UGT1A1: variants seen among roughly 807,000 people sequenced by gnomAD.
The protein encoded by UGT1A1 is UDP-glucuronosyltransferase 1A1.
UGT1A1 carries 33 observed loss-of-function variants against 40.6 expected under a neutral mutation model. The ratio of observed to expected loss-of-function variants is 0.81; its 90% CI spans 0.62 to 1.09. UGT1A1 has a LOEUF of 1.09. Ranked by LOEUF, UGT1A1 falls within the 50% of genes least tolerant of loss-of-function variation. The pLI, the probability that UGT1A1 is intolerant of heterozygous loss-of-function variation, is 0.00. For synonymous variants in UGT1A1, 249 were observed against 265.0 expected (o/e 0.94, Z 0.59); for missense variants, 694 against 671.2 (o/e 1.03, Z -0.38).
chr2:233,765,029 G>A (rs1326471824), intron 1 of UGT1A1, among the ~76,000 whole-genome samples: 1 of 152,048 alleles, frequency 6.6e-6, no homozygotes, highest in Non-Finnish European at 1.5e-5. Flanking sequence ...CAGGAGTCCT[G>A]CTGTGCAAAT....
chr2:233,767,748 T>A (rs2126034446), intron 2 of UGT1A1, 101 bp from the exon 3 acceptor site: 2 of 1,587,100 alleles, frequency 1.3e-6, no homozygotes, highest in East Asian at 4.5e-5. Context: ...TGTTAAAGAC[T>A]GTTCCTTCAG....
At chr2:233,772,010 G>A (rs538941446) in intron 4 of UGT1A1, among the ~76,000 whole-genome samples, 1 of 152,306 alleles carries the variant, frequency 6.6e-6, no homozygotes, top group Admixed American at 6.5e-5. Flanking sequence ...CTACTCTGGA[G>A]GCTGAGGCAG....
At chr2:233,762,034 A>G (rs750851212) in intron 1 of UGT1A1, among the ~76,000 whole-genome samples, 3 of 151,806 alleles carry the variant, frequency 2.0e-5, no homozygotes, top group Non-Finnish European at 2.9e-5. Context: ...ATTTTTTTTA[A>G]TTTTCTGTGC....
At chr2:233,764,430 T>C (rs1698558125) in intron 1 of UGT1A1, among the ~76,000 whole-genome samples, 1 of 152,218 alleles carries the variant, frequency 6.6e-6, no homozygotes, top group African/African-American at 2.4e-5. Flanking sequence ...AATCTCCAGA[T>C]GAACTTTTGT....
chr2:233,764,999 A>G (rs984767809), intron 1 of UGT1A1, among the ~76,000 whole-genome samples: 8 of 151,978 alleles, frequency 5.3e-5, no homozygotes, highest in Admixed American at 1.3e-4. Flanking sequence ...TTTCCTGGTC[A>G]TGTTCCAAAT....
Position 233,768,449 on chromosome 2 carries a change from A to T in UGT1A1, c.1304+10A>T, listed in dbSNP as rs757647919. 6.2e-7 allele frequency: 1 copy of T among 1,611,702 alleles called. No individual in the cohort carries two copies. The highest frequency in any genetic ancestry group is 8.5e-7 in the Non-Finnish European group (1 of 1,178,666). On this transcript the variant is annotated intron_variant, in intron 4 of 4. Coordinates refer to ENST00000305208, the MANE Select transcript of UGT1A1 (RefSeq NM_000463.3). ...TCATCAATGACAAAAGGTAAGAAAG[A>T]AGATACAGAAGAATACTTTGGTCAT...
At chr2:233,761,914 T>C (rs28900396) in intron 1 of UGT1A1, among the ~76,000 whole-genome samples, 9,111 of 152,302 alleles carry the variant, frequency 0.06, 854 homozygotes, top group African/African-American at 0.21. Flanking sequence ...GAGGATCTAC[T>C]GGCAGCCCAG....
intron 1 of UGT1A1, among the ~76,000 whole-genome samples, chr2:233,764,949 G>A (rs1698700873): frequency 6.6e-6 from 1 of 152,108 alleles, no homozygotes. Context: ...GGCGGGGAGA[G>A]AGGGCTCACC....
chr2:233,768,262 A>G lies in UGT1A1; in HGVS notation c.1127A>G (p.His376Arg), dbSNP rs1349037761. The change falls in exon 4 of 5, where the codon CAT becomes CGT. Residue 376 changes from histidine to arginine, a missense_variant. Physicochemically the swap from His to Arg is conservative, Grantham distance 29. Coordinates refer to ENST00000305208, the MANE Select transcript of UGT1A1 (RefSeq NM_000463.3). ...GCCTTTATCACCCATGCTGGTTCCC[A>G]TGGTGTTTATGAAAGCATATGCAAT... Reference protein sequence around the residue: ...TRAFITHAGSHGVYESICNGV... With the variant: ...TRAFITHAGSRGVYESICNGV... 1 of 1,614,138 alleles carries G rather than the reference A, an allele frequency of 6.2e-7. No individual in the cohort carries two copies. Among genetic ancestry groups the G allele is most frequent in the Non-Finnish European group, 8.5e-7 (1 of 1,180,018 alleles).
At position 233,760,380 on chromosome 2, in the gene UGT1A1, G is replaced by C. The variant is rs768058050; in HGVS notation, c.93G>C (p.Leu31=). 4.3e-6 allele frequency: 7 copies of C among 1,614,074 alleles called. No individual in the cohort carries two copies. The East Asian group carries it at 1.6e-4, about 36-fold the overall frequency. ...TGGTGTCCCATGCTGGGAAGATACT[G>C]TTGATCCCAGTGGATGGCAGCCACT... The part of the protein sequence containing the change: ...GPVVSHAGKI[L]LIPVDGSHWL... The change falls in exon 1 of 5, where the codon CTG becomes CTC. Residue 31 remains leucine (L), a synonymous_variant. Transcript: ENST00000305208.
In UGT1A1 at chr2:233,761,077, T is replaced by A; in HGVS notation, c.790T>A (p.Tyr264Asn). ...GTTTAGAAGTGACTTTGTGAAGGATTACCCTAGGCCCATCATGCCCAATAT... is the reference window on the plus strand; with the variant it reads ...GTTTAGAAGTGACTTTGTGAAGGATAACCCTAGGCCCATCATGCCCAATAT... ...WLFRSDFVKD[Y>N]PRPIMPNMVF... Residue 264 changes from tyrosine to asparagine, a missense_variant, in exon 1 of 5, where the codon TAC becomes AAC. Transcript: ENST00000305208. 1 of 1,614,202 alleles carries A rather than the reference T, an allele frequency of 6.2e-7. No homozygotes were observed. Among genetic ancestry groups the A allele is most frequent in the Non-Finnish European group, 8.5e-7 (1 of 1,180,026 alleles).
At position 233,760,772 on chromosome 2, in the gene UGT1A1, A is replaced by C; in HGVS notation, c.485A>C (p.Gln162Pro). Reference sequence around the variant, plus strand: ...CTTCCTTGCAGCCCCATCGTGGCCCAGTACCTGTCTCTGCCCACTGTATTC... The same window carrying C: ...CTTCCTTGCAGCCCCATCGTGGCCCCGTACCTGTCTCTGCCCACTGTATTC... Reference protein sequence around the residue: ...PFLPCSPIVAQYLSLPTVFFL... With the variant: ...PFLPCSPIVAPYLSLPTVFFL... Residue 162 changes from glutamine (Q) to proline (P), a missense_variant, in exon 1 of 5, where the codon CAG becomes CCG. Gln to Pro is a moderately conservative substitution (Grantham distance 76). Coordinates refer to ENST00000305208, the MANE Select transcript of UGT1A1 (RefSeq NM_000463.3). 1 of 1,613,930 alleles carries C rather than the reference A, an allele frequency of 6.2e-7. No individual in the cohort carries two copies. The highest frequency in any genetic ancestry group is 8.5e-7 in the Non-Finnish European group (1 of 1,179,866).
rs1699539864 is a variant in UGT1A1, at chr2:233,767,990, G to A, written c.1084+54G>A. ...CAAACCAGGGTCAAATTAAGAAAATGGCTTAAGCACAGCTATTCTAAAGGA... is the reference window on the plus strand; with the variant it reads ...CAAACCAGGGTCAAATTAAGAAAATAGCTTAAGCACAGCTATTCTAAAGGA... On this transcript the variant is annotated intron_variant, in intron 3 of 4. Coordinates refer to ENST00000305208, the MANE Select transcript of UGT1A1 (RefSeq NM_000463.3). 1.9e-5 allele frequency: 30 copies of A among 1,613,976 alleles called. No individual in the cohort carries two copies. In the South Asian group the frequency reaches 3.2e-4, roughly 17 times the overall value.
At position 233,772,444 on chromosome 2, in the gene UGT1A1, T is replaced by C; in HGVS notation, c.1487T>C (p.Leu496Ser). 6.2e-7 allele frequency: 1 copy of C among 1,614,228 alleles called. No homozygotes were observed. Among genetic ancestry groups the C allele is most frequent in the South Asian group, 1.1e-5 (1 of 91,086 alleles). The change falls in exon 5 of 5, where the codon TTG (leucine) becomes TCG (serine). Residue 496 changes from leucine to serine, a missense_variant. Coordinates refer to ENST00000305208, the MANE Select transcript of UGT1A1 (RefSeq NM_000463.3). ...TCCTTGGACGTGATTGGTTTCCTCT[T>C]GGCCGTCGTGCTGACAGTGGCCTTC... ...YHSLDVIGFL[L>S]AVVLTVAFIT...
Position 233,760,912 on chromosome 2 carries a change from C to G in UGT1A1, c.625C>G (p.Arg209Gly), listed in dbSNP as rs72551343. The change falls in exon 1 of 5, where the codon CGG (arginine) becomes GGG (glycine). Residue 209 changes from arginine (R) to glycine (G), a missense_variant. Transcript: ENST00000305208. ...SHSDHMTFLQ[R>G]VKNMLIAFSQ... ...TTCAGATCACATGACCTTCCTGCAG[C>G]GGGTGAAGAACATGCTCATTGCCTT... The G allele has an allele frequency of 6.2e-7, 1 of 1,614,070 alleles. No individual in the cohort carries two copies. The highest frequency in any genetic ancestry group is 1.3e-5 in the African/African-American group (1 of 74,930).
chr2:233,765,991 C>T (rs939830697), intron 1 of UGT1A1, among the ~76,000 whole-genome samples: 3 of 152,048 alleles, frequency 2.0e-5, no homozygotes, highest in Admixed American at 1.3e-4. Context: ...TCCTGAAGCT[C>T]CAGTGGGCGT....
chr2:233,768,083 C>A, intron 3 of UGT1A1, 137 bp from the exon 4 acceptor site: 1 of 1,591,312 alleles, frequency 6.3e-7, no homozygotes, highest in Non-Finnish European at 8.6e-7. Flanking sequence ...GGTATCTCAA[C>A]CCACATTTTC....
chr2:233,767,167 T>C lies in UGT1A1; in HGVS notation c.996+2T>C. ...GCTTTGGGCAAAATCCCTCAGACAG[T>C]AAGAAGATTCTATACCATGGCCTCA... On this transcript the variant is annotated splice_donor_variant, in intron 2 of 4. Coordinates refer to ENST00000305208, the MANE Select transcript of UGT1A1 (RefSeq NM_000463.3). LOFTEE classifies it high-confidence loss of function. The C allele has an allele frequency of 2.5e-6, 4 of 1,614,068 alleles. No homozygotes were observed. The highest frequency in any genetic ancestry group is 3.4e-6 in the Non-Finnish European group (4 of 1,180,002).
chr2:233,765,829 A>G (rs1183192876), intron 1 of UGT1A1, among the ~76,000 whole-genome samples: 1 of 152,104 alleles, frequency 6.6e-6, no homozygotes, highest in East Asian at 1.9e-4. Flanking sequence ...TGAAACAGGA[A>G]AACTTTCCTT....
Sources: allele counts gnomAD v4.1 joint callset (sites outside exome capture counted in the v4.1 genomes callset), GRCh38; gene constraint gnomAD v4.1.1; transcripts MANE v1.5; gene names NCBI Gene and HGNC (gene_info 2026-07-23, HGNC 2026-07-21).